MYO5A: variants seen among roughly 807,000 people sequenced by gnomAD.
MYO5A encodes the protein unconventional myosin-Va.
MYO5A carries 98 observed loss-of-function variants against 249.7 expected under a neutral mutation model. The observed-to-expected ratio is 0.39, with a 90% CI of 0.33 to 0.46. The LOEUF is 0.46. Ranked by LOEUF, MYO5A falls within the 20% of genes least tolerant of loss-of-function variation. The probability of loss-of-function intolerance (pLI) is 0.98; values close to 1 mark genes in which losing one functional copy is unlikely to be tolerated. For synonymous variants in MYO5A, 778 were observed against 810.6 expected, an observed-to-expected ratio of 0.96 and a Z score of 0.68; for missense variants, 1,696 against 2,308.8, an observed-to-expected ratio of 0.73 and a Z score of 5.44.
intron 1 of MYO5A, among the ~76,000 whole-genome samples, chr15:52,435,829 C>T (rs137868191): frequency 1.6e-4 from 25 of 152,318 alleles, no homozygotes; most frequent in African/African-American, 5.8e-4. Context: ...AACATAAATA[C>T]CAATTTACTG....
intron 1 of MYO5A, among the ~76,000 whole-genome samples, chr15:52,515,772 T>A (rs1474592163): frequency 6.6e-6 from 1 of 152,020 alleles, no homozygotes; most frequent in Non-Finnish European, 1.5e-5. Context: ...TGGAAACAGG[T>A]TTGGAAGTCA....
intron 38 of MYO5A, among the ~76,000 whole-genome samples, chr15:52,319,814 T>C (rs1292158645): frequency 1.6e-4 from 25 of 152,206 alleles, no homozygotes; most frequent in Non-Finnish European, 1.5e-5. Flanking sequence ...TAAACTTTAC[T>C]GAAGGAATAA....
At chr15:52,490,935 G>T (rs1453590908) in intron 1 of MYO5A, among the ~76,000 whole-genome samples, 2 of 151,866 alleles carry the variant, frequency 1.3e-5, no homozygotes, top group African/African-American at 4.8e-5. Flanking sequence ...TACCTAAGCT[G>T]GTCTTGAACT....
chr15:52,434,615 C>T (rs1366864724), intron 1 of MYO5A, among the ~76,000 whole-genome samples: 1 of 152,168 alleles, frequency 6.6e-6, no homozygotes, highest in Admixed American at 6.5e-5. Flanking sequence ...ACTCCCTGGA[C>T]ATAAGCCAGA....
chr15:52,501,655 T>C (rs2077160099), intron 1 of MYO5A, among the ~76,000 whole-genome samples: 1 of 152,106 alleles, frequency 6.6e-6, no homozygotes, highest in South Asian at 2.1e-4. Flanking sequence ...TTGTTTACAC[T>C]ACTTGAAAAA....
At chr15:52,525,145 C>T (rs2077707970) in intron 1 of MYO5A, among the ~76,000 whole-genome samples, 1 of 152,134 alleles carries the variant, frequency 6.6e-6, no homozygotes, top group Non-Finnish European at 1.5e-5. Context: ...TTTTCAAAAT[C>T]AGAAGCAATG....
intron 39 of MYO5A, among the ~76,000 whole-genome samples, 189 bp downstream of exon 39, chr15:52,318,871 A>G (rs2140921240): frequency 6.6e-6 from 1 of 152,348 alleles, no homozygotes; most frequent in South Asian, 2.1e-4. Context: ...ACAGGGAGCA[A>G]TAATGAGATG....
intron 34 of MYO5A, among the ~76,000 whole-genome samples, 182 bp from the exon 35 acceptor site, chr15:52,330,681 A>G (rs911564943): frequency 6.6e-6 from 1 of 152,228 alleles, no homozygotes; most frequent in Non-Finnish European, 1.5e-5. Flanking sequence ...TGGCAAAATT[A>G]TATGGTCATC....
intron 25 of MYO5A, among the ~76,000 whole-genome samples, chr15:52,357,452 C>CAAAAAAAA (rs35645503): frequency 2.0e-4 from 19 of 93,706 alleles, no homozygotes; most frequent in Non-Finnish European, 2.6e-4. Flanking sequence ...CTAGAACTAG[C>CAAAAAAAA]AAAAAAAAAA....
chr15:52,469,233 T>C (rs755307864), intron 1 of MYO5A, among the ~76,000 whole-genome samples: 20 of 152,192 alleles, frequency 1.3e-4, no homozygotes, highest in Non-Finnish European at 2.2e-4. Flanking sequence ...TGTGTAACTT[T>C]TGACTCCCCA....
At chr15:52,518,113 C>T (rs2077532210) in intron 1 of MYO5A, among the ~76,000 whole-genome samples, 1 of 151,840 alleles carries the variant, frequency 6.6e-6, no homozygotes, top group African/African-American at 2.4e-5. Context: ...GTGATTCTCC[C>T]CCATCCCCAC....
At chr15:52,323,567 A>G (rs1009313064) in intron 36 of MYO5A, 123 bp from the exon 37 acceptor site, 11 of 724,708 alleles carry the variant, frequency 1.5e-5, no homozygotes, top group Admixed American at 4.2e-5. Context: ...ATAAAAATAA[A>G]TCACATTACA....
chr15:52,450,866 G>GTTTTTTGTTTTTTTTTTT (rs2076007820), intron 1 of MYO5A, among the ~76,000 whole-genome samples: 5 of 20,236 alleles, frequency 2.5e-4, no homozygotes, highest in African/African-American at 1.1e-3. Flanking sequence ...TTTTTTTTTT[G>GTTTTTTGTTTTTTTTTTT]TGACAGGGTC....
Position 52,308,839 on chromosome 15 carries a change from C to T in MYO5A, c.*4857G>A, listed in dbSNP as rs930127009. 1.3e-5 allele frequency: 2 copies of T among 152,900 alleles called. No individual in the cohort carries two copies. The highest frequency in any genetic ancestry group is 4.8e-5 in the African/African-American group (2 of 41,476). The allele number at this position is 152,900 out of a possible 1,614,324, so 9.5% of individuals were successfully genotyped here. On this transcript the variant is annotated 3_prime_UTR_variant, in exon 42 of 42. Coordinates refer to ENST00000399233, the MANE Select transcript of MYO5A (RefSeq NM_001382347.1). ...GGAGCAAGGGTTAAGGCGGCCCTCA[C>T]AGCACAGCCTGAGAACAAATTACAA...
chr15:52,322,020 T>C (rs1362979348), intron 37 of MYO5A, among the ~76,000 whole-genome samples: 2 of 152,190 alleles, frequency 1.3e-5, no homozygotes, highest in African/African-American at 2.4e-5. Flanking sequence ...ACCCACACCA[T>C]GGTTTTCAGT....
intron 32 of MYO5A, among the ~76,000 whole-genome samples, chr15:52,338,538 A>G (rs941773290): frequency 6.6e-6 from 1 of 152,170 alleles, no homozygotes; most frequent in Non-Finnish European, 1.5e-5. Context: ...ATGCACAATT[A>G]AGATTGAGAA....
intron 34 of MYO5A, 85 bp downstream of exon 34, chr15:52,336,378 C>G (rs2039117425): frequency 1.1e-6 from 1 of 880,514 alleles, no homozygotes; most frequent in East Asian, 2.6e-5. Context: ...ATGCAAACCT[C>G]TATTAGGCCA....
intron 1 of MYO5A, among the ~76,000 whole-genome samples, chr15:52,453,761 C>T (rs2076065790): frequency 6.6e-6 from 1 of 151,970 alleles, no homozygotes; most frequent in African/African-American, 2.4e-5. Context: ...TCTGTCTTGT[C>T]TTTGTGATCT....
intron 11 of MYO5A, among the ~76,000 whole-genome samples, chr15:52,394,904 TTAG>T (rs1355828671): frequency 6.6e-6 from 1 of 152,262 alleles, no homozygotes; most frequent in Non-Finnish European, 1.5e-5. Flanking sequence ...GCAAATCATA[TTAG>T]TAGTCATCTT....
Sources: gnomAD v4.1 joint callset for allele counts (sites outside exome capture counted in the v4.1 genomes callset) on GRCh38, gnomAD v4.1.1 for gene constraint, MANE v1.5 for transcripts, NCBI Gene and HGNC (gene_info 2026-07-23, HGNC 2026-07-21) for gene names.